The following RAB3GAP1 variants were observed in gnomAD, a reference collection of about 807,000 sequenced individuals.
The protein encoded by RAB3GAP1 is rab3 GTPase-activating protein catalytic subunit.
A neutral mutation model predicts 130.7 loss-of-function variants in RAB3GAP1; 86 were observed. That is an observed-to-expected ratio of 0.66 (90% CI 0.55 to 0.79). The LOEUF is 0.79. Among genes scored for constraint, RAB3GAP1 ranks in the 30% least tolerant of loss-of-function variants. RAB3GAP1 has a pLI of 0.00. For missense variants in RAB3GAP1, 1,029 were observed against 1,169.4 expected (o/e 0.88, Z 1.75); for synonymous variants, 367 against 401.7 (o/e 0.91, Z 1.03).
At chr2:135,082,692 C>T (rs1454990826) in intron 3 of RAB3GAP1, among the ~76,000 whole-genome samples, 9 of 152,046 alleles carry the variant, frequency 5.9e-5, no homozygotes, top group South Asian at 2.1e-4. Context: ...CCACCTGCCT[C>T]GGCCTCCCAA....
intron 19 of RAB3GAP1, among the ~76,000 whole-genome samples, chr2:135,160,844 TAC>T (rs1349886143): frequency 2.6e-5 from 4 of 152,028 alleles, no homozygotes; most frequent in Admixed American, 1.3e-4. Flanking sequence ...TTTTAGGAAA[TAC>T]AGATATTTTG....
chr2:135,089,026 C>G, intron 3 of RAB3GAP1, among the ~76,000 whole-genome samples: 1 of 152,078 alleles, frequency 6.6e-6, no homozygotes, highest in East Asian at 1.9e-4. Flanking sequence ...GGTTTTAGGT[C>G]TTATGTTTAA....
At chr2:135,078,004 A>T (rs908349203) in intron 3 of RAB3GAP1, among the ~76,000 whole-genome samples, 4 of 151,880 alleles carry the variant, frequency 2.6e-5, no homozygotes, top group Admixed American at 1.3e-4. Context: ...TTGCCTTTTC[A>T]CTCTGTTGAT....
At chr2:135,104,397 A>T (rs545029692) in intron 5 of RAB3GAP1, among the ~76,000 whole-genome samples, 1 of 152,332 alleles carries the variant, frequency 6.6e-6, no homozygotes, top group African/African-American at 2.4e-5. Context: ...TACAAGGGGA[A>T]AAAATAGTAG....
Position 135,168,569 on chromosome 2 carries a change from G to C in RAB3GAP1, c.2734G>C (p.Glu912Gln). Reference protein sequence around the residue: ...QRAAAMTPPEEELKRMGSPEE... With the variant: ...QRAAAMTPPEQELKRMGSPEE... ...GGCTGCAGCTATGACTCCACCAGAG[G>C]AGGAATTGAAGAGAATGGGCTCCCC... The change falls in exon 24 of 24, where the codon GAG becomes CAG. Residue 912 changes from glutamate to glutamine, a missense_variant. By Grantham distance (29) the Glu-to-Gln change is conservative (BLOSUM62 2). Around this residue, in one of 3 missense-constraint regions of RAB3GAP1, gnomAD observed 146 missense variants for 143.7 expected, o/e 1.02. Coordinates refer to ENST00000264158, the MANE Select transcript of RAB3GAP1 (RefSeq NM_012233.3). 3.1e-6 allele frequency: 5 copies of C among 1,614,152 alleles called. No individual in the cohort carries two copies. Among genetic ancestry groups the C allele is most frequent in the Non-Finnish European group, 4.2e-6 (5 of 1,180,022 alleles).
chr2:135,052,318 A>T lies in RAB3GAP1; in HGVS notation c.11A>T (p.Asp4Val), dbSNP rs774910398. 1.9e-5 allele frequency: 30 copies of T among 1,613,780 alleles called. No individual in the cohort carries two copies. The highest frequency in any genetic ancestry group is 2.5e-5 in the Non-Finnish European group (30 of 1,180,044). MAA[D>V]SEPESEVFEI... is the part of the protein sequence containing the mutation. Reference sequence around the variant, plus strand: ...CCGGCGCTCCTCAAGATGGCTGCCGACAGTGAGGTGATTTCTTTGCTCCCT... The same window carrying T: ...CCGGCGCTCCTCAAGATGGCTGCCGTCAGTGAGGTGATTTCTTTGCTCCCT... The change falls in exon 1 of 24, where the codon GAC becomes GTC. Residue 4 changes from aspartate to valine, a missense_variant. Asp to Val is a radical substitution (Grantham distance 152, BLOSUM62 -3). Transcript: ENST00000264158.
Position 135,164,649 on chromosome 2 carries a change from G to A in RAB3GAP1, c.2662G>A (p.Gly888Arg), listed in dbSNP as rs1222358642. ...PEVLVTGAGR[G>R]HAGRIIHKLF... Reference sequence around the variant, plus strand: ...AGTGTTAGTCACCGGTGCAGGAAGAGGACATGCTGGCAGGATCATTCACAA... The same window carrying A: ...AGTGTTAGTCACCGGTGCAGGAAGAAGACATGCTGGCAGGATCATTCACAA... Residue 888 changes from glycine (G) to arginine (R), a missense_variant, in exon 23 of 24, where the codon GGA becomes AGA. By Grantham distance (125) the Gly-to-Arg change is moderately radical (BLOSUM62 -2). This residue lies in a region of RAB3GAP1 where 146 missense variants were observed against 143.7 expected (regional missense o/e 1.02). Coordinates refer to ENST00000264158, the MANE Select transcript of RAB3GAP1 (RefSeq NM_012233.3). The A allele has an allele frequency of 6.2e-7, 1 of 1,613,368 alleles. No individual in the cohort carries two copies. Among genetic ancestry groups the A allele is most frequent in the Non-Finnish European group, 8.5e-7 (1 of 1,179,636 alleles).
chr2:135,137,031 A>C, intron 17 of RAB3GAP1: 2 of 246,410 alleles, frequency 8.1e-6, no homozygotes, highest in Non-Finnish European at 1.6e-5. Flanking sequence ...TGGAGGCTGC[A>C]CTGAGCTTTG....
chr2:135,165,056 T>C (rs1007066519), intron 23 of RAB3GAP1: 9 of 435,742 alleles, frequency 2.1e-5, no homozygotes, highest in Middle Eastern at 3.4e-4. Context: ...AGTTTTACCA[T>C]CTTTAAACCC....
At chr2:135,167,580 T>C in intron 23 of RAB3GAP1, 1 of 854,644 alleles carries the variant, frequency 1.2e-6, no homozygotes. Flanking sequence ...TCATGTTCCA[T>C]AATGTAGTGC....
At chr2:135,069,887 GA>G (rs775707960) in intron 3 of RAB3GAP1, among the ~76,000 whole-genome samples, 7 of 151,816 alleles carry the variant, frequency 4.6e-5, no homozygotes, top group African/African-American at 1.2e-4. Context: ...TCCAGGAAAG[GA>G]AAAAAAATTT....
intron 3 of RAB3GAP1, among the ~76,000 whole-genome samples, chr2:135,070,296 T>G (rs892599362): frequency 3.3e-5 from 5 of 152,230 alleles, no homozygotes; most frequent in African/African-American, 4.8e-5. Context: ...TCTGTTATTT[T>G]GCCTCAGCTT....
At chr2:135,074,701 G>A (rs1689573336) in intron 3 of RAB3GAP1, among the ~76,000 whole-genome samples, 1 of 152,204 alleles carries the variant, frequency 6.6e-6, no homozygotes, top group Non-Finnish European at 1.5e-5. Flanking sequence ...TGGGGCCAGT[G>A]TCATGGGCAG....
intron 22 of RAB3GAP1, among the ~76,000 whole-genome samples, chr2:135,164,190 C>T (rs1419004310): frequency 6.6e-6 from 1 of 152,192 alleles, no homozygotes; most frequent in Non-Finnish European, 1.5e-5. Flanking sequence ...CACACAGACA[C>T]ATACCCCTTA....
At chr2:135,073,037 G>A (rs189615410) in intron 3 of RAB3GAP1, among the ~76,000 whole-genome samples, 71 of 152,270 alleles carry the variant, frequency 4.7e-4, no homozygotes, top group African/African-American at 1.4e-3. Context: ...TAGCTTTCCC[G>A]GGAGAAATAG....
chr2:135,135,555 T>A lies in RAB3GAP1; in HGVS notation c.1555-9T>A. The A allele has an allele frequency of 6.3e-7, 1 of 1,588,834 alleles. No individual in the cohort carries two copies. The highest frequency in any genetic ancestry group is 8.6e-7 in the Non-Finnish European group (1 of 1,164,114). On this transcript the variant is annotated splice_polypyrimidine_tract_variant and intron_variant, in intron 16 of 23. Coordinates refer to ENST00000264158, the MANE Select transcript of RAB3GAP1 (RefSeq NM_012233.3). ...ATTCAACTATAAATGTTATTTCTCTTTTCTTAAGATGTTAAATTGTTGTAT... is the reference window on the plus strand; with the variant it reads ...ATTCAACTATAAATGTTATTTCTCTATTCTTAAGATGTTAAATTGTTGTAT...
intron 2 of RAB3GAP1, among the ~76,000 whole-genome samples, chr2:135,053,408 A>G (rs1387305389): frequency 6.6e-6 from 1 of 152,234 alleles, no homozygotes; most frequent in East Asian, 1.9e-4. Context: ...AAACTGTTCT[A>G]TTACTGAAAT....
Position 135,097,462 on chromosome 2 carries a change from C to T in RAB3GAP1, c.362+3769C>T, listed in dbSNP as rs184772299. On this transcript the variant is annotated intron_variant, in intron 5 of 23. Coordinates refer to ENST00000264158, the MANE Select transcript of RAB3GAP1 (RefSeq NM_012233.3). ...TCTTAAACTCCTGGCCTCAAGTGAT[C>T]CTCCCACCTCAGCCTCCCAAAGTAC... 2.0e-5 allele frequency among the ~76,000 whole-genome samples: 3 copies of T among 152,228 alleles called. No individual in the cohort carries two copies. In the East Asian group the frequency reaches 5.8e-4, roughly 29 times the overall value.
chr2:135,094,559 G>A (rs893858305), intron 5 of RAB3GAP1, among the ~76,000 whole-genome samples: 1 of 151,968 alleles, frequency 6.6e-6, no homozygotes, highest in South Asian at 2.1e-4. Context: ...ACCCTTCTAA[G>A]CCTCTGGTAA....
Sources: allele counts gnomAD v4.1 joint callset (sites outside exome capture counted in the v4.1 genomes callset), GRCh38; gene constraint gnomAD v4.1.1; regional missense constraint gnomAD v4.1.1; transcripts MANE v1.5; gene names NCBI Gene and HGNC (gene_info 2026-07-23, HGNC 2026-07-21).